UNC13C: variants seen among roughly 807,000 people sequenced by gnomAD.
The protein encoded by UNC13C is unc-13 homolog C.
Under a neutral mutation model 245.4 loss-of-function variants are expected in UNC13C, and 174 were observed. The observed-to-expected ratio is 0.71, with a 90% CI of 0.63 to 0.80. The LOEUF is 0.80. Among genes scored for constraint, UNC13C ranks in the 30% least tolerant of loss-of-function variants. The probability of loss-of-function intolerance (pLI) is 0.00; values close to 1 mark genes in which losing one functional copy is unlikely to be tolerated. For missense variants in UNC13C, 2,829 were observed against 2,602.9 expected, an observed-to-expected ratio of 1.09 and a Z score of -1.89; for synonymous variants, 992 against 895.1, an observed-to-expected ratio of 1.11 and a Z score of -1.93.
At chr15:54,546,317 C>T (rs368180903) in intron 26 of UNC13C, among the ~76,000 whole-genome samples, 21 of 152,154 alleles carry the variant, frequency 1.4e-4, no homozygotes, top group African/African-American at 3.6e-4. Context: ...CAGGGCCTGT[C>T]GCCGGGTGGA....
intron 19 of UNC13C, among the ~76,000 whole-genome samples, chr15:54,423,501 C>T (rs11857095): frequency 0.18 from 26,816 of 151,614 alleles, 2,413 homozygotes; most frequent in African/African-American, 0.21. Context: ...CTCTTTATTT[C>T]TAAATATACA....
chr15:54,107,507 C>A (rs551737437), intron 2 of UNC13C, among the ~76,000 whole-genome samples: 11 of 152,094 alleles, frequency 7.2e-5, no homozygotes, highest in Non-Finnish European at 1.5e-4. Context: ...GACCTGGTTC[C>A]CATTTTTCAA....
At chr15:54,485,621 T>C (rs1373099937) in intron 19 of UNC13C, among the ~76,000 whole-genome samples, 2 of 152,236 alleles carry the variant, frequency 1.3e-5, no homozygotes, top group Non-Finnish European at 2.9e-5. Flanking sequence ...CATGCAGTTT[T>C]ATTCCATAAC....
Position 54,304,999 on chromosome 15 carries a change from A to G in UNC13C, c.4268+4626A>G, listed in dbSNP as rs2037689372. ...ATTGTAATCTGTAATTATATCCAGG[A>G]AAGAGAATAGAATGGAACAGCATAG... On this transcript the variant is annotated intron_variant, in intron 13 of 32. Coordinates refer to ENST00000260323, the MANE Select transcript of UNC13C (RefSeq NM_001080534.3). Among the ~76,000 whole-genome samples the G allele has an allele frequency of 2.0e-5, 3 of 152,204 alleles. 1 individual carries two copies. In the South Asian group the frequency reaches 6.2e-4, roughly 32 times the overall value.
chr15:54,457,401 T>G (rs571268829), intron 19 of UNC13C, among the ~76,000 whole-genome samples: 1 of 152,274 alleles, frequency 6.6e-6, no homozygotes, highest in African/African-American at 2.4e-5. Context: ...TAGAATGAGT[T>G]AGGGAGGACT....
At chr15:53,964,056 AT>A in the UNC13C span, among the ~76,000 whole-genome samples, 3 of 151,354 alleles carry the variant, frequency 2.0e-5, no homozygotes, top group East Asian at 1.9e-4. Context: ...GTCTTTACCC[AT>A]TTTTTTTTTC....
chr15:54,372,231 A>T (rs1038551989), intron 17 of UNC13C, among the ~76,000 whole-genome samples: 1 of 152,092 alleles, frequency 6.6e-6, no homozygotes, highest in Non-Finnish European at 1.5e-5. Flanking sequence ...TTTACTTGTC[A>T]ATTAAAAAGT....
At chr15:54,484,198 A>T (rs1401516535) in intron 19 of UNC13C, among the ~76,000 whole-genome samples, 1 of 152,146 alleles carries the variant, frequency 6.6e-6, no homozygotes, top group Non-Finnish European at 1.5e-5. Context: ...AAGAGTCAGG[A>T]TTATAGTGGG....
chr15:54,061,165 A>G (rs1190391035), intron 2 of UNC13C, among the ~76,000 whole-genome samples: 1 of 152,058 alleles, frequency 6.6e-6, no homozygotes, highest in Non-Finnish European at 1.5e-5. Context: ...AAAAAGACAA[A>G]AAAAAAAGAA....
At chr15:54,329,357 G>T (rs1338770587) in intron 14 of UNC13C, among the ~76,000 whole-genome samples, 2 of 151,726 alleles carry the variant, frequency 1.3e-5, no homozygotes, top group Non-Finnish European at 2.9e-5. Context: ...GCCCTATTGT[G>T]CTACCAAACA....
At chr15:53,927,769 C>A in the UNC13C span, among the ~76,000 whole-genome samples, 1 of 152,262 alleles carries the variant, frequency 6.6e-6, no homozygotes, top group East Asian at 1.9e-4. Context: ...CTGGCTTGAT[C>A]TGACTTGCAG....
At chr15:53,948,203 T>G in the UNC13C span, 1 of 152,254 alleles carries the variant, frequency 6.6e-6, no homozygotes, top group Admixed American at 6.5e-5. Flanking sequence ...TTACTCTTTT[T>G]ATTTTTAGTT....
At chr15:54,624,071 T>C (rs1281061763) in intron 32 of UNC13C, 117 bp downstream of exon 32, 17 of 1,248,300 alleles carry the variant, frequency 1.4e-5, no homozygotes, top group Non-Finnish European at 1.9e-5. Flanking sequence ...CTGTTTTTAG[T>C]TCCCTTCCAT....
intron 4 of UNC13C, among the ~76,000 whole-genome samples, chr15:54,211,776 C>T (rs112985971): frequency 3.3e-5 from 5 of 152,206 alleles, no homozygotes; most frequent in African/African-American, 1.2e-4. Flanking sequence ...ATTGCTTAGT[C>T]TACAGAAGAA....
At chr15:54,512,331 T>C in intron 24 of UNC13C, 1 of 455,932 alleles carries the variant, frequency 2.2e-6, no homozygotes, top group Non-Finnish European at 4.4e-6. Context: ...ATCTTTGACT[T>C]GCAATTCCAT....
intron 8 of UNC13C, among the ~76,000 whole-genome samples, chr15:54,253,749 A>G (rs1596089242): frequency 6.6e-6 from 1 of 152,192 alleles, no homozygotes; most frequent in Non-Finnish European, 1.5e-5. Context: ...GTTGGCTGGG[A>G]TGAGGGTTGT....
In UNC13C at chr15:54,076,079, C is replaced by A. The variant is rs1245340760; in HGVS notation, c.2983+60193C>A. ...ACTTAGATTCTTTTTTTTTTTTTTT[C>A]ACTTTGTCTCCCAGTATTCATATAT... On this transcript the variant is annotated intron_variant, in intron 2 of 32. Transcript: ENST00000260323. Among the ~76,000 whole-genome samples the A allele has an allele frequency of 1.0e-4, 4 of 38,748 alleles. No homozygotes were observed. The East Asian group carries it at 1.8e-3, about 17-fold the overall frequency. The allele number at this position is 38,748 out of a possible 152,430, so 25.4% of individuals were successfully genotyped here.
At chr15:54,218,275 T>C (rs2035104010) in intron 4 of UNC13C, among the ~76,000 whole-genome samples, 1 of 151,962 alleles carries the variant, frequency 6.6e-6, no homozygotes, top group Non-Finnish European at 1.5e-5. Context: ...AATTTTCTCC[T>C]CCTCTTTCTC....
At chr15:54,264,899 C>T (rs1296099047) in intron 9 of UNC13C, among the ~76,000 whole-genome samples, 1 of 151,850 alleles carries the variant, frequency 6.6e-6, no homozygotes, top group Admixed American at 6.6e-5. Flanking sequence ...TTTACCAAGA[C>T]TCTTCACTTA....
Sources: allele counts gnomAD v4.1 joint callset (sites outside exome capture counted in the v4.1 genomes callset), GRCh38; gene constraint gnomAD v4.1.1; transcripts MANE v1.5; gene names NCBI Gene and HGNC (gene_info 2026-07-23, HGNC 2026-07-21).